SPOCK3: variants seen among roughly 807,000 people sequenced by gnomAD.
SPOCK3 encodes testican-3.
SPOCK3 carries 30 observed loss-of-function variants against 56.6 expected under a neutral mutation model. The ratio of observed to expected loss-of-function variants is 0.53; its 90% CI spans 0.40 to 0.72. The LOEUF (loss-of-function observed/expected upper bound fraction) is 0.72, where lower values mean the gene tolerates loss of function less well. SPOCK3 is among the 30% of genes least tolerant of loss of function. The pLI is 0.00. For synonymous variants in SPOCK3, 196 were observed against 183.3 expected, an observed-to-expected ratio of 1.07 and a Z score of -0.56; for missense variants, 527 against 530.0, an observed-to-expected ratio of 0.99 and a Z score of 0.06.
intron 2 of SPOCK3, among the ~76,000 whole-genome samples, chr4:167,184,606 C>A (rs1731793113): frequency 6.6e-6 from 1 of 152,148 alleles, no homozygotes; most frequent in African/African-American, 2.4e-5. Context: ...GATTTGCTAA[C>A]CTGAGATGGA....
chr4:166,905,812 C>T (rs1391848156), intron 5 of SPOCK3, among the ~76,000 whole-genome samples: 1 of 151,676 alleles, frequency 6.6e-6, no homozygotes, highest in African/African-American at 2.4e-5. Flanking sequence ...AGAAAATTAA[C>T]AATATAACAA....
chr4:166,906,440 G>C (rs1736619052), intron 5 of SPOCK3, among the ~76,000 whole-genome samples: 1 of 146,678 alleles, frequency 6.8e-6, no homozygotes, highest in Non-Finnish European at 1.5e-5. Flanking sequence ...AAAATGGTGG[G>C]ATTATAGGCG....
intron 7 of SPOCK3, among the ~76,000 whole-genome samples, chr4:166,781,428 A>AGAG (rs1030269482): frequency 2.0e-5 from 2 of 99,822 alleles, no homozygotes; most frequent in Admixed American, 9.5e-5. Context: ...AAAATAAAAC[A>AGAG]GAGGAGGAGG....
intron 7 of SPOCK3, among the ~76,000 whole-genome samples, chr4:166,762,928 A>T (rs1433026785): frequency 6.6e-6 from 1 of 152,100 alleles, no homozygotes; most frequent in Non-Finnish European, 1.5e-5. Context: ...ACTTGCCTTA[A>T]CATATCAGCA....
chr4:166,778,940 A>G (rs1282911040), intron 7 of SPOCK3, among the ~76,000 whole-genome samples: 2 of 152,126 alleles, frequency 1.3e-5, no homozygotes, highest in Admixed American at 1.3e-4. Flanking sequence ...AAAGTTGTGT[A>G]TAGCCACTGA....
intron 5 of SPOCK3, among the ~76,000 whole-genome samples, chr4:166,890,375 T>C (rs1734646454): frequency 6.6e-6 from 1 of 151,932 alleles, no homozygotes; most frequent in African/African-American, 2.4e-5. Context: ...GGGATAATGA[T>C]ACCTAATTTC....
chr4:167,086,109 G>A (rs1758172936), intron 2 of SPOCK3, among the ~76,000 whole-genome samples: 2 of 151,874 alleles, frequency 1.3e-5, no homozygotes, highest in African/African-American at 4.8e-5. Flanking sequence ...CAACAAATAA[G>A]CTTTTTAAAT....
At chr4:167,021,534 C>A (rs1027285484) in intron 3 of SPOCK3, among the ~76,000 whole-genome samples, 2 of 151,866 alleles carry the variant, frequency 1.3e-5, no homozygotes, top group African/African-American at 4.8e-5. Flanking sequence ...GTAACTTAGG[C>A]AAGGAAGGCT....
intron 3 of SPOCK3, among the ~76,000 whole-genome samples, chr4:167,040,735 T>C (rs1339400663): frequency 6.6e-6 from 1 of 152,194 alleles, no homozygotes; most frequent in East Asian, 1.9e-4. Context: ...TGTTATAACA[T>C]GTCAATATTT....
chr4:167,168,954 T>C (rs570243214), intron 2 of SPOCK3, among the ~76,000 whole-genome samples: 4 of 152,268 alleles, frequency 2.6e-5, no homozygotes, highest in South Asian at 2.1e-4. Context: ...AAGGTACACA[T>C]TGGGCCATGG....
intron 6 of SPOCK3, among the ~76,000 whole-genome samples, chr4:166,869,280 T>G (rs1305744701): frequency 1.3e-5 from 2 of 150,166 alleles, no homozygotes; most frequent in Non-Finnish European, 3.0e-5. Flanking sequence ...CATGCCAAAT[T>G]ATATAGTCAA....
intron 2 of SPOCK3, among the ~76,000 whole-genome samples, chr4:167,112,842 C>CT (rs56893441): frequency 0.77 from 108,413 of 140,872 alleles, 39,790 homozygotes; most frequent in African/African-American, 0.89. Flanking sequence ...CAAAAGTGCT[C>CT]TTTTTTAAAA....
intron 4 of SPOCK3, among the ~76,000 whole-genome samples, chr4:166,978,964 T>C (rs13106418): frequency 0.087 from 13,190 of 152,242 alleles, 623 homozygotes; most frequent in Middle Eastern, 0.12. Context: ...CATACCTTAG[T>C]ATATTTTGAA....
chr4:167,046,315 C>T (rs1196401773), intron 3 of SPOCK3, among the ~76,000 whole-genome samples: 1 of 151,578 alleles, frequency 6.6e-6, no homozygotes, highest in South Asian at 2.1e-4. Flanking sequence ...TTTTCTTTTG[C>T]ATTTATTCTT....
intron 6 of SPOCK3, among the ~76,000 whole-genome samples, chr4:166,843,708 C>G (rs1203032545): frequency 1.3e-5 from 2 of 152,146 alleles, no homozygotes; most frequent in African/African-American, 4.8e-5. Context: ...TCTACAGAAA[C>G]TGTGATGTAC....
At chr4:167,024,607 A>G (rs1751517921) in intron 3 of SPOCK3, among the ~76,000 whole-genome samples, 1 of 152,076 alleles carries the variant, frequency 6.6e-6, no homozygotes, top group Non-Finnish European at 1.5e-5. Context: ...TTGAACAAAT[A>G]CATTAGGATA....
intron 2 of SPOCK3, among the ~76,000 whole-genome samples, chr4:167,189,683 GTAT>G (rs1473287579): frequency 1.4e-5 from 2 of 144,098 alleles, no homozygotes; most frequent in African/African-American, 5.4e-5. Context: ...ATATAATACA[GTAT>G]TATTAACTAC....
intron 6 of SPOCK3, among the ~76,000 whole-genome samples, chr4:166,850,951 T>A (rs941358408): frequency 6.6e-5 from 10 of 152,230 alleles, no homozygotes; most frequent in African/African-American, 2.2e-4. Flanking sequence ...AAGCTCGAAC[T>A]GGGTGGAGCC....
intron 2 of SPOCK3, among the ~76,000 whole-genome samples, chr4:167,086,155 G>C (rs981043972): frequency 6.6e-6 from 1 of 152,082 alleles, no homozygotes; most frequent in East Asian, 1.9e-4. Flanking sequence ...ATAAAATAGC[G>C]AAATTTTACT....
Sources: allele counts gnomAD v4.1 joint callset (sites outside exome capture counted in the v4.1 genomes callset), GRCh38; gene constraint gnomAD v4.1.1; transcripts MANE v1.5; gene names NCBI Gene and HGNC (gene_info 2026-07-23, HGNC 2026-07-21).